Variants in PDE3B observed in about 807,000 individuals in gnomAD.
The protein encoded by PDE3B is phosphodiesterase 3B.
In PDE3B, 66 loss-of-function variants were observed where a neutral mutation model predicts 116.8. The ratio of observed to expected loss-of-function variants is 0.56; its 90% CI spans 0.46 to 0.69. The LOEUF (loss-of-function observed/expected upper bound fraction) is 0.69, where lower values mean the gene tolerates loss of function less well. Ranked by LOEUF, PDE3B falls within the 30% of genes least tolerant of loss-of-function variation. PDE3B has a pLI of 0.00. For missense variants in PDE3B, 1,384 were observed against 1,368.1 expected, an observed-to-expected ratio of 1.01 and a Z score of -0.18; for synonymous variants, 595 against 533.6, an observed-to-expected ratio of 1.12 and a Z score of -1.59.
chr11:14,891,935 G>A, the PDE3B span: 9 of 1,596,106 alleles, frequency 5.6e-6, no homozygotes, highest in Non-Finnish European at 6.8e-6. Context: ...GGCCAGCCCG[G>A]GCCAGCCTGG....
chr11:14,714,564 T>G (rs1030712268), intron 1 of PDE3B, among the ~76,000 whole-genome samples: 1 of 131,820 alleles, frequency 7.6e-6, no homozygotes, highest in East Asian at 2.2e-4. Flanking sequence ...AAAAAAGAAA[T>G]ACATGTTTTA....
At chr11:14,705,417 A>G (rs1039954662) in intron 1 of PDE3B, among the ~76,000 whole-genome samples, 2 of 151,870 alleles carry the variant, frequency 1.3e-5, no homozygotes, top group African/African-American at 4.8e-5. Context: ...AATATCATTT[A>G]TATGAGATTT....
chr11:14,789,299 G>T, intron 4 of PDE3B, 57 bp downstream of exon 4: 1 of 1,350,556 alleles, frequency 7.4e-7, no homozygotes, highest in Non-Finnish European at 1.0e-6. Flanking sequence ...CTTTGTTTCT[G>T]TCAATAATGT....
At chr11:14,864,453 T>C (rs1452759531) in intron 14 of PDE3B, among the ~76,000 whole-genome samples, 1 of 152,192 alleles carries the variant, frequency 6.6e-6, no homozygotes, top group Non-Finnish European at 1.5e-5. Context: ...CAAGTGGACC[T>C]AATAGACATC....
chr11:14,785,334 A>G (rs187441706), intron 2 of PDE3B, among the ~76,000 whole-genome samples: 3 of 152,242 alleles, frequency 2.0e-5, no homozygotes, highest in Non-Finnish European at 4.4e-5. Context: ...CCCTGGTATC[A>G]GGAAATGTTT....
At chr11:14,739,654 T>A (rs10832298) in intron 1 of PDE3B, among the ~76,000 whole-genome samples, 6 of 151,974 alleles carry the variant, frequency 3.9e-5, no homozygotes, top group Non-Finnish European at 8.8e-5. Context: ...CTAGGAGTGC[T>A]GAGAGAGGGC....
At chr11:14,859,649 A>AAAT (rs1847911346) in intron 13 of PDE3B, among the ~76,000 whole-genome samples, 1 of 152,214 alleles carries the variant, frequency 6.6e-6, no homozygotes, top group Non-Finnish European at 1.5e-5. Flanking sequence ...CCAGTTAATT[A>AAAT]TGTCTACCTC....
chr11:14,896,223 G>T, the PDE3B span, among the ~76,000 whole-genome samples: 1 of 152,142 alleles, frequency 6.6e-6, no homozygotes, highest in Non-Finnish European at 1.5e-5. Context: ...TCATGATCTT[G>T]TTGAAGACCC....
chr11:14,891,427 G>T, the PDE3B span: 1 of 985,794 alleles, frequency 1.0e-6, no homozygotes, highest in Non-Finnish European at 1.2e-6. Context: ...GTTCACAATC[G>T]TTTCCCAGGG....
At chr11:14,757,426 A>G (rs1234177768) in intron 1 of PDE3B, among the ~76,000 whole-genome samples, 1 of 151,208 alleles carries the variant, frequency 6.6e-6, no homozygotes, top group East Asian at 1.9e-4. Flanking sequence ...CCAACAGTGT[A>G]AAAGTGTTCC....
At chr11:14,681,338 T>C (rs1420904837) in intron 1 of PDE3B, among the ~76,000 whole-genome samples, 1 of 152,176 alleles carries the variant, frequency 6.6e-6, no homozygotes, top group Non-Finnish European at 1.5e-5. Context: ...ACAATTCCCA[T>C]GTGTCATTAC....
the PDE3B span, chr11:14,878,148 A>G: frequency 1.9e-6 from 3 of 1,613,166 alleles, no homozygotes; most frequent in Non-Finnish European, 2.5e-6. Context: ...CAGATGAGGT[A>G]GGGTTGGGGC....
chr11:14,670,471 A>G (rs1854328392), intron 1 of PDE3B, among the ~76,000 whole-genome samples: 1 of 152,156 alleles, frequency 6.6e-6, no homozygotes, highest in South Asian at 2.1e-4. Context: ...GAGAACCTCC[A>G]GTATCAGAAT....
chr11:14,731,919 T>C (rs896417406), intron 1 of PDE3B, among the ~76,000 whole-genome samples: 3 of 152,124 alleles, frequency 2.0e-5, no homozygotes, highest in African/African-American at 7.2e-5. Context: ...TTTTCACCTT[T>C]TGATAAGTAA....
chr11:14,801,493 C>G (rs1858763470), intron 4 of PDE3B, among the ~76,000 whole-genome samples: 1 of 152,202 alleles, frequency 6.6e-6, no homozygotes, highest in Non-Finnish European at 1.5e-5. Context: ...ACTGCCTGTT[C>G]TTTCCTCTGG....
intron 1 of PDE3B, 146 bp downstream of exon 1, chr11:14,645,199 A>C: frequency 6.6e-6 from 4 of 609,550 alleles, no homozygotes; most frequent in East Asian, 6.1e-5. Flanking sequence ...GGAGGAAATA[A>C]TGTTTTATTC....
At chr11:14,804,112 AC>A in intron 5 of PDE3B, 62 bp downstream of exon 5, 1 of 816,326 alleles carries the variant, frequency 1.2e-6, no homozygotes, top group Non-Finnish European at 2.1e-6. Context: ...TAGTGTAAAC[AC>A]TTTTCATCAC....
chr11:14,661,380 G>T (rs904051607), intron 1 of PDE3B, among the ~76,000 whole-genome samples: 1 of 152,232 alleles, frequency 6.6e-6, no homozygotes, highest in Non-Finnish European at 1.5e-5. Context: ...CGTGAGCGAC[G>T]CAAAAGACGG....
intron 2 of PDE3B, chr11:14,772,890 G>C (rs1269309465): frequency 6.6e-6 from 1 of 151,752 alleles, no homozygotes; most frequent in Non-Finnish European, 1.5e-5. Flanking sequence ...GAGTCTTGAC[G>C]TACACAAAAA....
Sources: allele counts gnomAD v4.1 joint callset (sites outside exome capture counted in the v4.1 genomes callset), GRCh38; gene constraint gnomAD v4.1.1; transcripts MANE v1.5; gene names NCBI Gene and HGNC (gene_info 2026-07-23, HGNC 2026-07-21).